THSD7B: variants seen among roughly 807,000 people sequenced by gnomAD.
THSD7B encodes the protein thrombospondin type 1 domain containing 7B, also known as thrombospondin type-1 domain-containing protein 7B.
In THSD7B, 138 loss-of-function variants were observed where a neutral mutation model predicts 213.6. The observed-to-expected ratio is 0.65, with a 90% CI of 0.56 to 0.74. The LOEUF (loss-of-function observed/expected upper bound fraction) is 0.74. THSD7B is among the 30% of genes least tolerant of loss of function. The probability of loss-of-function intolerance (pLI) is 0.00; values close to 1 mark genes in which losing one functional copy is unlikely to be tolerated. For missense variants in THSD7B, 1,931 were observed against 1,991.5 expected (o/e 0.97, Z 0.58); for synonymous variants, 742 against 687.0 (o/e 1.08, Z -1.25).
chr2:137,516,449 G>A (rs1573678843), intron 15 of THSD7B, among the ~76,000 whole-genome samples: 2 of 152,134 alleles, frequency 1.3e-5, no homozygotes, highest in South Asian at 4.1e-4. Context: ...CCTTCCCCAA[G>A]GAGACCTCCA....
At chr2:137,122,554 A>G (rs1194789886) in intron 5 of THSD7B, among the ~76,000 whole-genome samples, 1 of 152,100 alleles carries the variant, frequency 6.6e-6, no homozygotes, top group African/African-American at 2.4e-5. Context: ...TATGGGGGAG[A>G]TGAGGTAAGG....
chr2:136,779,196 ATATG>A (rs35907529), intron 1 of THSD7B, among the ~76,000 whole-genome samples: 46,299 of 133,462 alleles, frequency 0.35, 8,264 homozygotes, highest in Non-Finnish European at 0.44. Flanking sequence ...CTATATATAT[ATATG>A]TGTGTGTGTG....
Position 137,567,170 on chromosome 2 carries a change from AT to A in THSD7B, c.3272+3820del, listed in dbSNP as rs1558842423. On this transcript the variant is annotated intron_variant, in intron 16 of 27. Transcript: ENST00000409968. ...ATTTTATTTTATTTTATTTTATTTT[AT>A]TTTATTTTATTTTTTGAGACTGAGT... is the stretch of plus-strand genomic sequence containing the variant. Among the ~76,000 whole-genome samples, 42 of 150,656 alleles carry A rather than the reference AT, an allele frequency of 2.8e-4. No individual in the cohort carries two copies. The East Asian group carries it at 6.2e-3, about 22-fold the overall frequency.
intron 20 of THSD7B, 166 bp from the exon 21 acceptor site, chr2:137,642,322 G>A (rs1027716647): frequency 1.0e-4 from 76 of 754,940 alleles, no homozygotes; most frequent in Non-Finnish European, 1.5e-4. Flanking sequence ...GATAGCCTGT[G>A]TCTCTGTGGA....
intron 15 of THSD7B, among the ~76,000 whole-genome samples, chr2:137,453,434 A>G (rs1224210164): frequency 7.3e-6 from 1 of 136,880 alleles, no homozygotes; most frequent in Admixed American, 8.5e-5. Flanking sequence ...GGTTCATGCC[A>G]TTCTCCTGCC....
At chr2:137,665,577 A>G (rs1020228124) in intron 26 of THSD7B, among the ~76,000 whole-genome samples, 33 of 152,076 alleles carry the variant, frequency 2.2e-4, no homozygotes, top group African/African-American at 8.0e-4. Flanking sequence ...TCAGGAGGAC[A>G]GTTAGGCCAT....
intron 14 of THSD7B, among the ~76,000 whole-genome samples, chr2:137,425,819 T>C (rs1180995764): frequency 6.6e-6 from 1 of 152,256 alleles, no homozygotes; most frequent in South Asian, 2.1e-4. Flanking sequence ...CTTAACATAG[T>C]ACTAGAAATC....
chr2:137,445,068 C>T (rs1386011209), intron 14 of THSD7B, among the ~76,000 whole-genome samples: 3 of 151,916 alleles, frequency 2.0e-5, no homozygotes, highest in Admixed American at 1.3e-4. Context: ...TATTATATCA[C>T]CCCAGTTAAA....
rs141794386 is a variant in THSD7B, at chr2:137,374,663, T to C, written c.2501-30950T>C. 2.6e-4 allele frequency among the ~76,000 whole-genome samples: 39 copies of C among 152,318 alleles called. 1 individual carries two copies. Among genetic ancestry groups the C allele is most frequent in the African/African-American group, 9.1e-4 (38 of 41,582 alleles). On this transcript the variant is annotated intron_variant, in intron 12 of 27. Coordinates refer to ENST00000409968, the MANE Select transcript of THSD7B (RefSeq NM_001316349.2). The stretch of plus-strand genomic sequence containing the variant: ...AAGTGAAATAAAAACAAAATAATTA[T>C]GCATAAGTGCTTGCTTTAGTACCAG...
chr2:136,883,322 T>C (rs117954400), intron 2 of THSD7B, among the ~76,000 whole-genome samples: 1 of 129,724 alleles, frequency 7.7e-6, no homozygotes, highest in African/African-American at 2.9e-5. Context: ...AAGTGAATTA[T>C]GCTTTAAAGT....
intron 2 of THSD7B, among the ~76,000 whole-genome samples, chr2:137,005,080 A>G (rs1255792715): frequency 2.0e-5 from 3 of 152,228 alleles, no homozygotes. Context: ...ATAATGAAAT[A>G]TGTATATGCA....
chr2:137,529,728 A>G (rs1680361126), intron 15 of THSD7B, among the ~76,000 whole-genome samples: 1 of 151,956 alleles, frequency 6.6e-6, no homozygotes, highest in Non-Finnish European at 1.5e-5. Context: ...AATCATCAGA[A>G]GAATTAAACT....
At chr2:137,505,826 A>G (rs897599954) in intron 15 of THSD7B, among the ~76,000 whole-genome samples, 1 of 152,216 alleles carries the variant, frequency 6.6e-6, no homozygotes, top group Non-Finnish European at 1.5e-5. Context: ...GAGGGAGTGC[A>G]GGGACTGTGA....
At chr2:137,580,643 C>T (rs933838076) in intron 17 of THSD7B, among the ~76,000 whole-genome samples, 5 of 152,058 alleles carry the variant, frequency 3.3e-5, no homozygotes, top group African/African-American at 1.2e-4. Context: ...TCTCATGTTG[C>T]TGTAAAGAAA....
chr2:136,925,350 A>G (rs923534296), intron 2 of THSD7B, among the ~76,000 whole-genome samples: 25 of 152,150 alleles, frequency 1.6e-4, no homozygotes, highest in Admixed American at 6.5e-5. Context: ...TTTACACTAT[A>G]TTCCTAGTTT....
At chr2:137,331,618 C>A (rs1035126063) in intron 12 of THSD7B, among the ~76,000 whole-genome samples, 4 of 152,226 alleles carry the variant, frequency 2.6e-5, no homozygotes, top group African/African-American at 4.8e-5. Context: ...CACTCCTCAG[C>A]CCTTGGGTGG....
At chr2:137,495,015 A>C (rs1045236042) in intron 15 of THSD7B, among the ~76,000 whole-genome samples, 3 of 152,110 alleles carry the variant, frequency 2.0e-5, no homozygotes, top group African/African-American at 7.2e-5. Flanking sequence ...TTTTCCTGGC[A>C]TGCTGGGATT....
intron 2 of THSD7B, among the ~76,000 whole-genome samples, chr2:136,884,245 G>A (rs2059729): frequency 0.26 from 39,263 of 152,138 alleles, 6,193 homozygotes; most frequent in East Asian, 0.65. Context: ...GCAAGTGTGA[G>A]CAGTGTGTAA....
chr2:137,539,341 G>A (rs1476368253), intron 15 of THSD7B, among the ~76,000 whole-genome samples: 1 of 151,626 alleles, frequency 6.6e-6, no homozygotes, highest in Non-Finnish European at 1.5e-5. Context: ...TGGCTAGGTG[G>A]TTTGGATCTC....
Sources: gnomAD v4.1 joint callset for allele counts (sites outside exome capture counted in the v4.1 genomes callset) on GRCh38, gnomAD v4.1.1 for gene constraint, MANE v1.5 for transcripts, NCBI Gene and HGNC (gene_info 2026-07-23, HGNC 2026-07-21) for gene names.